GPC5: variants seen among roughly 807,000 people sequenced by gnomAD.
GPC5 encodes glypican 5.
GPC5 carries 47 observed loss-of-function variants against 53.9 expected under a neutral mutation model. The ratio of observed to expected loss-of-function variants is 0.87; its 90% CI spans 0.69 to 1.11. GPC5 has a LOEUF of 1.11. Ranked by LOEUF, GPC5 falls within the 50% of genes most tolerant of loss-of-function variation. The pLI, the probability that GPC5 is intolerant of heterozygous loss-of-function variation, is 0.00. For synonymous variants in GPC5, 286 were observed against 263.3 expected (o/e 1.09, Z -0.84); for missense variants, 748 against 713.1 (o/e 1.05, Z -0.56).
intron 6 of GPC5, among the ~76,000 whole-genome samples, chr13:92,140,374 G>T (rs1219078343): frequency 6.6e-6 from 1 of 152,006 alleles, no homozygotes; most frequent in Admixed American, 6.6e-5. Context: ...CTTTTTTCTT[G>T]GCGTCATTTC....
At chr13:91,707,357 C>T (rs1454142324) in intron 3 of GPC5, among the ~76,000 whole-genome samples, 2 of 152,150 alleles carry the variant, frequency 1.3e-5, no homozygotes, top group African/African-American at 2.4e-5. Context: ...GACATGATAG[C>T]TCAGCCTGTA....
chr13:91,744,095 T>G (rs192547373), intron 4 of GPC5, among the ~76,000 whole-genome samples: 49 of 152,258 alleles, frequency 3.2e-4, no homozygotes, highest in Non-Finnish European at 3.7e-4. Flanking sequence ...TAGTCTTCAA[T>G]GTATTGGGTT....
intron 7 of GPC5, among the ~76,000 whole-genome samples, chr13:92,414,218 C>A (rs1362737712): frequency 2.0e-5 from 3 of 152,014 alleles, no homozygotes; most frequent in Admixed American, 6.6e-5. Flanking sequence ...TAGTTAAATT[C>A]TTTGGGCTGG....
chr13:92,214,331 T>G (rs948461190), intron 7 of GPC5, among the ~76,000 whole-genome samples: 3 of 152,224 alleles, frequency 2.0e-5, no homozygotes, highest in Non-Finnish European at 4.4e-5. Flanking sequence ...TGCAAAACAC[T>G]ATAGAAGACC....
intron 3 of GPC5, among the ~76,000 whole-genome samples, chr13:91,705,883 C>CTT (rs11411010): frequency 0.073 from 9,813 of 134,192 alleles, 489 homozygotes; most frequent in Middle Eastern, 0.14. Flanking sequence ...TCTTTCTTTT[C>CTT]TTTTTTTTTT....
rs146960104 is a variant in GPC5, at chr13:92,137,014, C to T, written c.1402-7816C>T. ...CTATTTTTGGCTAATCAGCTGACTG[C>T]ACAAACTGCATGGCATTGAGGAAAG... On this transcript the variant is annotated intron_variant, in intron 6 of 7. Coordinates refer to ENST00000377067, the MANE Select transcript of GPC5 (RefSeq NM_004466.6). 7.5e-3 allele frequency among the ~76,000 whole-genome samples: 1,141 copies of T among 152,154 alleles called. 9 individuals are homozygous for T. The highest frequency in any genetic ancestry group is 0.015 in the Admixed American group (227 of 15,284).
intron 7 of GPC5, among the ~76,000 whole-genome samples, chr13:92,313,968 C>T (rs2043162102): frequency 6.6e-6 from 1 of 152,120 alleles, no homozygotes; most frequent in Admixed American, 6.6e-5. Context: ...TCTAGCCTGT[C>T]TTGAGGCCGG....
intron 7 of GPC5, among the ~76,000 whole-genome samples, chr13:92,275,491 A>C (rs1158145142): frequency 6.6e-6 from 1 of 152,176 alleles, no homozygotes; most frequent in Non-Finnish European, 1.5e-5. Flanking sequence ...TAAACAAGAT[A>C]ATATCCTTGC....
At chr13:92,599,927 C>T (rs1022951875) in intron 7 of GPC5, among the ~76,000 whole-genome samples, 3 of 152,088 alleles carry the variant, frequency 2.0e-5, no homozygotes, top group African/African-American at 4.8e-5. Flanking sequence ...GTACAATCAT[C>T]GCCACTATTT....
chr13:92,276,677 C>T (rs1053295662), intron 7 of GPC5, among the ~76,000 whole-genome samples: 1 of 152,054 alleles, frequency 6.6e-6, no homozygotes, highest in Non-Finnish European at 1.5e-5. Flanking sequence ...TTGCAAGGAA[C>T]ATTTACACTA....
At chr13:91,516,479 G>C (rs1885505388) in intron 2 of GPC5, among the ~76,000 whole-genome samples, 1 of 152,212 alleles carries the variant, frequency 6.6e-6, no homozygotes, top group Non-Finnish European at 1.5e-5. Flanking sequence ...CAAGAGGTGG[G>C]TTTCCATGGT....
intron 6 of GPC5, among the ~76,000 whole-genome samples, chr13:92,123,164 G>A (rs2041664786): frequency 1.3e-5 from 2 of 152,004 alleles, no homozygotes; most frequent in Non-Finnish European, 2.9e-5. Context: ...AGCACTTTGG[G>A]AGGCCAAGAA....
At chr13:92,112,673 A>C (rs2041567376) in intron 6 of GPC5, among the ~76,000 whole-genome samples, 1 of 152,118 alleles carries the variant, frequency 6.6e-6, no homozygotes, top group South Asian at 2.1e-4. Context: ...GAAAGAAAGC[A>C]GGTGATATGT....
chr13:91,916,407 A>T (rs1205733311), intron 6 of GPC5, among the ~76,000 whole-genome samples: 9 of 152,232 alleles, frequency 5.9e-5, no homozygotes, highest in Non-Finnish European at 1.2e-4. Flanking sequence ...TCAATTGATG[A>T]CTATATAAAT....
chr13:91,734,657 C>A (rs1345467805), intron 4 of GPC5, among the ~76,000 whole-genome samples: 1 of 151,406 alleles, frequency 6.6e-6, no homozygotes, highest in African/African-American at 2.5e-5. Flanking sequence ...GGGATCCCAG[C>A]CTTCAGTCAA....
chr13:92,607,184 G>A (rs1344125579), intron 7 of GPC5, among the ~76,000 whole-genome samples: 1 of 152,080 alleles, frequency 6.6e-6, no homozygotes, highest in African/African-American at 2.4e-5. Context: ...GGTAAAAAGA[G>A]AAATTGGGCA....
intron 6 of GPC5, among the ~76,000 whole-genome samples, chr13:91,936,980 C>T (rs1324766369): frequency 6.6e-6 from 1 of 152,042 alleles, no homozygotes; most frequent in African/African-American, 2.4e-5. Context: ...ATCTCATATG[C>T]ACAGTGGTGG....
chr13:91,850,648 C>T (rs1394459451), intron 5 of GPC5, among the ~76,000 whole-genome samples: 1 of 151,910 alleles, frequency 6.6e-6, no homozygotes, highest in African/African-American at 2.4e-5. Flanking sequence ...AGAATTAGGT[C>T]CTCTTCCTTT....
chr13:91,922,488 T>A (rs966279397), intron 6 of GPC5, among the ~76,000 whole-genome samples: 35 of 152,298 alleles, frequency 2.3e-4, no homozygotes, highest in African/African-American at 8.4e-4. Context: ...TTTCTTAATT[T>A]CTGGGTGTTC....
Sources: allele counts gnomAD v4.1 joint callset (sites outside exome capture counted in the v4.1 genomes callset), GRCh38; gene constraint gnomAD v4.1.1; transcripts MANE v1.5; gene names NCBI Gene and HGNC (gene_info 2026-07-23, HGNC 2026-07-21).